Variants in STON1 observed in about 807,000 individuals in gnomAD.
STON1 encodes the protein stonin-1.
STON1 carries 79 observed loss-of-function variants against 60.9 expected under a neutral mutation model. That is an observed-to-expected ratio of 1.30 (90% confidence interval 1.08 to 1.56). The LOEUF is 1.56. Among genes scored for constraint, STON1 ranks in the 40% most tolerant of loss-of-function variants. The pLI is 0.00. For synonymous variants in STON1, 363 were observed against 306.9 expected (o/e 1.18, Z -1.91); for missense variants, 1,166 against 858.9 (o/e 1.36, Z -4.47).
intron 1 of STON1, among the ~76,000 whole-genome samples, chr2:48,572,893 C>G (rs1045396531): frequency 2.0e-5 from 3 of 152,218 alleles, no homozygotes; most frequent in African/African-American, 4.8e-5. Flanking sequence ...TTCACAGCAA[C>G]TTCAGCCTAA....
intron 1 of STON1, among the ~76,000 whole-genome samples, chr2:48,559,117 A>T (rs1672505234): frequency 6.6e-6 from 1 of 152,234 alleles, no homozygotes; most frequent in African/African-American, 2.4e-5. Context: ...CAAGCGTTTT[A>T]GATAAGGGAT....
chr2:48,554,305 T>G (rs999445137), intron 1 of STON1, among the ~76,000 whole-genome samples: 1 of 152,198 alleles, frequency 6.6e-6, no homozygotes, highest in Non-Finnish European at 1.5e-5. Flanking sequence ...CACTGCAACC[T>G]CCACCTCCCT....
Position 48,581,426 on chromosome 2 carries a change from C to T in STON1, c.793C>T (p.His265Tyr), listed in dbSNP as rs780407887. 6 of 1,613,600 alleles carry T rather than the reference C, an allele frequency of 3.7e-6. No homozygotes were observed. In the Admixed American group the frequency reaches 6.7e-5, roughly 18 times the overall value. ...AGAAAATGCCTCTTCCTTTGTCCCC[C>T]ACACACTCTTCAGGAGTCAGCCAAA... is the stretch of plus-strand genomic sequence containing the variant. ...AEENASSFVP[H>Y]TLFRSQPKSG... Residue 265 changes from histidine (H) to tyrosine (Y), a missense_variant, in exon 2 of 4, where the codon CAC (histidine) becomes TAC (tyrosine). Transcript: ENST00000404752.
chr2:48,580,836 A>T lies in STON1; in HGVS notation c.203A>T (p.Asp68Val), dbSNP rs772730087. ...ACTCCTCTCTCCTCCCCCATTGTAG[A>T]TTTTTATTTCAGTCCAGGACCTCCA... ...SSTPLSSPIVDFYFSPGPPSN... is the reference protein window; with the variant it reads ...SSTPLSSPIVVFYFSPGPPSN... The change falls in exon 2 of 4, where the codon GAT (aspartate) becomes GTT (valine). Residue 68 changes from aspartate (D) to valine (V), a missense_variant. Physicochemically the swap from Asp to Val is radical, Grantham distance 152. Coordinates refer to ENST00000404752, the MANE Select transcript of STON1 (RefSeq NM_006873.4). 6.5e-7 allele frequency: 1 copy of T among 1,545,170 alleles called. No homozygotes were observed. Among genetic ancestry groups the T allele is most frequent in the Non-Finnish European group, 8.7e-7 (1 of 1,149,644 alleles).
At chr2:48,580,504 T>C (rs1673809689) in intron 1 of STON1, 83 bp from the exon 2 acceptor site, 12 of 1,239,284 alleles carry the variant, frequency 9.7e-6, no homozygotes, top group Non-Finnish European at 1.2e-5. Context: ...TTTTTAAGCA[T>C]TTATCAGAAG....
chr2:48,564,024 A>G (rs1672722756), intron 1 of STON1, among the ~76,000 whole-genome samples: 1 of 151,970 alleles, frequency 6.6e-6, no homozygotes, highest in South Asian at 2.1e-4. Flanking sequence ...AAGGAAAACT[A>G]CCTGTTTCTC....
intron 2 of STON1, among the ~76,000 whole-genome samples, chr2:48,591,155 CAATT>C (rs575211423): frequency 3.3e-5 from 5 of 150,674 alleles, no homozygotes; most frequent in African/African-American, 7.3e-5. Context: ...TTAAGGAAAA[CAATT>C]AAGTTTAAGC....
At chr2:48,588,081 T>C (rs1674315233) in intron 2 of STON1, among the ~76,000 whole-genome samples, 1 of 152,218 alleles carries the variant, frequency 6.6e-6, no homozygotes, top group South Asian at 2.1e-4. Context: ...CCTAAGGCAG[T>C]GCTTCTCAAA....
At chr2:48,570,787 A>T (rs747629003) in intron 1 of STON1, among the ~76,000 whole-genome samples, 1 of 148,610 alleles carries the variant, frequency 6.7e-6, no homozygotes, top group African/African-American at 2.5e-5. Flanking sequence ...GCCATAATAC[A>T]TACTCCTTTT....
intron 1 of STON1, among the ~76,000 whole-genome samples, chr2:48,563,138 C>T (rs1449720494): frequency 6.6e-6 from 1 of 152,206 alleles, no homozygotes; most frequent in African/African-American, 2.4e-5. Flanking sequence ...GCACACTGGG[C>T]ATCCTGCAGC....
chr2:48,580,518 A>G (rs1187715902), intron 1 of STON1, 69 bp from the exon 2 acceptor site: 3 of 1,274,978 alleles, frequency 2.4e-6, no homozygotes, highest in East Asian at 3.0e-5. Flanking sequence ...TCAGAAGTAA[A>G]GACATTTAGT....
intron 3 of STON1, 32 bp from the exon 4 acceptor site, chr2:48,595,196 A>C: frequency 6.4e-7 from 1 of 1,562,802 alleles, no homozygotes. Context: ...TGCATTTGTT[A>C]ATGCTGCCTG....
chr2:48,585,615 C>T (rs1048559207), intron 2 of STON1, among the ~76,000 whole-genome samples: 2 of 152,284 alleles, frequency 1.3e-5, no homozygotes, highest in East Asian at 3.9e-4. Context: ...GCCAGAGAAA[C>T]CAGTTTTAAG....
Position 48,595,814 on chromosome 2 carries a change from G to A in STON1, c.*512G>A, listed in dbSNP as rs180951958. On this transcript the variant is annotated 3_prime_UTR_variant, in exon 4 of 4. Coordinates refer to ENST00000404752, the MANE Select transcript of STON1 (RefSeq NM_006873.4). ...AAACCACAGGCTAAAATGTAGATCT[G>A]GAAGTATCTGTGCTTTTGAATTACT... The A allele has an allele frequency of 3.1e-4, 47 of 153,582 alleles. 1 individual carries two copies. Among genetic ancestry groups the A allele is most frequent in the Non-Finnish European group, 5.4e-4 (37 of 69,146 alleles). 9.5% of individuals were successfully genotyped at this position (153,582 alleles called of 1,614,324 possible).
At chr2:48,544,324 T>TATCTGTGGCTCAG (rs1412065900) in intron 1 of STON1, among the ~76,000 whole-genome samples, 1 of 152,170 alleles carries the variant, frequency 6.6e-6, no homozygotes, top group African/African-American at 2.4e-5. Context: ...AGCACAAAAA[T>TATCTGTGGCTCAG]AGCTTTTCCA....
chr2:48,539,429 C>T (rs527778226), intron 1 of STON1, among the ~76,000 whole-genome samples: 1 of 152,214 alleles, frequency 6.6e-6, no homozygotes, highest in Admixed American at 6.5e-5. Context: ...TTATTTAAAT[C>T]TATAAATTTA....
intron 1 of STON1, among the ~76,000 whole-genome samples, chr2:48,537,950 GTCTT>G (rs1334282123): frequency 6.6e-6 from 1 of 151,390 alleles, no homozygotes; most frequent in African/African-American, 2.4e-5. Context: ...ATAAGTATAT[GTCTT>G]TCTTTATCTT....
At chr2:48,563,552 C>T (rs567150677) in intron 1 of STON1, among the ~76,000 whole-genome samples, 38 of 152,274 alleles carry the variant, frequency 2.5e-4, no homozygotes, top group African/African-American at 8.9e-4. Flanking sequence ...AGACAGTGGG[C>T]AATAGAATAC....
Position 48,580,889 on chromosome 2 carries a change from A to G in STON1, c.256A>G (p.Lys86Glu). Residue 86 changes from lysine (K) to glutamate (E), a missense_variant, in exon 2 of 4, where the codon AAA becomes GAA. By Grantham distance (56) the Lys-to-Glu change is moderately conservative. Transcript: ENST00000404752. Reference sequence around the variant, plus strand: ...TAACTCTCCTCTTTCTACACCTACCAAAGACTTCCCAGGTTTTCCTGGCAT... The same window carrying G: ...TAACTCTCCTCTTTCTACACCTACCGAAGACTTCCCAGGTTTTCCTGGCAT... ...PSNSPLSTPTKDFPGFPGIPK... is the reference protein window; with the variant it reads ...PSNSPLSTPTEDFPGFPGIPK... 6.3e-7 allele frequency: 1 copy of G among 1,591,232 alleles called. No homozygotes were observed. Among genetic ancestry groups the G allele is most frequent in the Middle Eastern group, 1.7e-4 (1 of 5,916 alleles).
Sources: allele counts gnomAD v4.1 joint callset (sites outside exome capture counted in the v4.1 genomes callset), GRCh38; gene constraint gnomAD v4.1.1; transcripts MANE v1.5; gene names NCBI Gene and HGNC (gene_info 2026-07-23, HGNC 2026-07-21).